IGSF22: variants seen among roughly 807,000 people sequenced by gnomAD.
The protein encoded by IGSF22 is immunoglobulin superfamily member 22.
In IGSF22, 119 loss-of-function variants were observed where a neutral mutation model predicts 127.0. The observed-to-expected ratio is 0.94, with a 90% CI of 0.81 to 1.09. The LOEUF (loss-of-function observed/expected upper bound fraction) is 1.09. IGSF22 is among the 50% of genes least tolerant of loss of function. The pLI, the probability that IGSF22 is intolerant of heterozygous loss-of-function variation, is 0.00. For synonymous variants in IGSF22, 568 were observed against 664.7 expected, an observed-to-expected ratio of 0.85 and a Z score of 2.24; for missense variants, 1,518 against 1,716.6, an observed-to-expected ratio of 0.88 and a Z score of 2.04.
Position 18,720,212 on chromosome 11 carries a change from T to C in IGSF22, c.452A>G (p.Tyr151Cys). 1.2e-6 allele frequency: 2 copies of C among 1,614,204 alleles called. No homozygotes were observed. The highest frequency in any genetic ancestry group is 1.7e-6 in the Non-Finnish European group (2 of 1,180,024). ...TTCTGTTACCAGCAGAGATACGGTA[T>C]AGATGGCATCTGCATGGTCATTGCT... ...IASNDHADAI[Y>C]TVSLLVTEGQ... is the part of the protein sequence containing the mutation. Residue 151 changes from tyrosine to cysteine, a missense_variant, in exon 5 of 23, where the codon TAT (tyrosine) becomes TGT (cysteine). By Grantham distance (194) the Tyr-to-Cys change is radical (BLOSUM62 -2). Coordinates refer to ENST00000513874, the MANE Select transcript of IGSF22 (RefSeq NM_173588.4).
At chr11:18,712,043 C>G (rs938233791) in intron 15 of IGSF22, 39 bp downstream of exon 15, 6 of 1,512,244 alleles carry the variant, frequency 4.0e-6, no homozygotes, top group African/African-American at 1.4e-5. Flanking sequence ...CCATGCTGAC[C>G]CCTGGGTTCC....
At chr11:18,706,755 G>A (rs932653294) in intron 21 of IGSF22, 159 bp downstream of exon 21, 8 of 621,000 alleles carry the variant, frequency 1.3e-5, no homozygotes, top group Non-Finnish European at 2.1e-5. Context: ...CCCGAAGAAA[G>A]CCAATATTTC....
chr11:18,713,332 T>C (rs1848392721), intron 14 of IGSF22, among the ~76,000 whole-genome samples: 1 of 152,076 alleles, frequency 6.6e-6, no homozygotes, highest in Non-Finnish European at 1.5e-5. Context: ...TTTGTATTTT[T>C]AGTAGAGACC....
Position 18,714,101 on chromosome 11 carries a change from C to T in IGSF22, c.1846G>A (p.Ala616Thr), listed in dbSNP as rs979753790. ...PSVLEALAAH[A>T]ITVKVGHTAH... ...GTGTGGCCTACCTTCACAGTGATGG[C>T]GTGCGCAGCCAGTGCCTCCAGTACT... Residue 616 changes from alanine to threonine, a missense_variant, in exon 14 of 23, where the codon GCC becomes ACC. By Grantham distance (58) the Ala-to-Thr change is moderately conservative. Around this residue, in one of 3 missense-constraint regions of IGSF22, gnomAD observed 1,456 missense variants for 1,644.9 expected, o/e 0.89. Transcript: ENST00000513874. 15 of 1,614,066 alleles carry T rather than the reference C, an allele frequency of 9.3e-6. 1 individual carries two copies. The highest frequency in any genetic ancestry group is 6.7e-5 in the East Asian group (3 of 44,894).
Position 18,707,857 on chromosome 11 carries a change from A to G in IGSF22, c.3227T>C (p.Leu1076Ser). 1 of 1,613,788 alleles carries G rather than the reference A, an allele frequency of 6.2e-7. No homozygotes were observed. ...KRSDSGVYRILLQNEFGEARY... is the reference protein window; with the variant it reads ...KRSDSGVYRISLQNEFGEARY... ...TGCTTCTCCAAACTCATTCTGAAGC[A>G]AGATTCGGTACACCCCTGAGTCAGA... is the stretch of plus-strand genomic sequence containing the variant. The change falls in exon 20 of 23, where the codon TTG (leucine) becomes TCG (serine). Residue 1076 changes from leucine to serine, a missense_variant. This residue lies in a region of IGSF22 where 1,456 missense variants were observed against 1,644.9 expected (regional missense o/e 0.89). Coordinates refer to ENST00000513874, the MANE Select transcript of IGSF22 (RefSeq NM_173588.4).
rs1316909147 is a variant in IGSF22 at position 18,716,198 on chromosome 11, A to T, written c.1247-482T>A. ...CCTTTTAGTTCTTGGTAAAGCTCGGACATCATTTCATTATATCATTTCTGA... is the reference window on the plus strand; with the variant it reads ...CCTTTTAGTTCTTGGTAAAGCTCGGTCATCATTTCATTATATCATTTCTGA... On this transcript the variant is annotated intron_variant, in intron 10 of 22. Coordinates refer to ENST00000513874, the MANE Select transcript of IGSF22 (RefSeq NM_173588.4). The surrounding 1 kb of genome is among the most constrained non-coding windows in gnomAD (Gnocchi z 4.5). 6.6e-6 allele frequency among the ~76,000 whole-genome samples: 1 copy of T among 152,130 alleles called. No homozygotes were observed. The highest frequency in any genetic ancestry group is 1.5e-5 in the Non-Finnish European group (1 of 68,038).
chr11:18,710,845 G>C lies in IGSF22; in HGVS notation c.2399-17C>G. ...CAGGAGGCTCTGTGGGGGAAAGAGA[G>C]AGTGCAAAGGTTAGGAGGGGGAGCA... is the stretch of plus-strand genomic sequence containing the variant. On this transcript the variant is annotated splice_polypyrimidine_tract_variant and intron_variant, in intron 15 of 22. Coordinates refer to ENST00000513874, the MANE Select transcript of IGSF22 (RefSeq NM_173588.4). The C allele has an allele frequency of 6.2e-7, 1 of 1,602,588 alleles. No individual in the cohort carries two copies. Among genetic ancestry groups the C allele is most frequent in the Non-Finnish European group, 8.5e-7 (1 of 1,170,102 alleles).
intron 17 of IGSF22, 102 bp downstream of exon 17, chr11:18,710,225 A>C (rs1328515969): frequency 6.8e-7 from 1 of 1,460,400 alleles, no homozygotes; most frequent in Admixed American, 1.7e-5. Context: ...GAGTGTAGAG[A>C]CTGTGATACC....
chr11:18,707,105 T>G lies in IGSF22; in HGVS notation c.3389A>C (p.Tyr1130Ser). ...PDVQEDGEAH[Y>S]IIMKRDASTA... ...GCTTGCATCCCGCTTCATGATGATGTAGTGAGCCTCACCGTCCTCCTGCAC... is the reference window on the plus strand; with the variant it reads ...GCTTGCATCCCGCTTCATGATGATGGAGTGAGCCTCACCGTCCTCCTGCAC... Residue 1130 changes from tyrosine (Y) to serine (S), a missense_variant, in exon 21 of 23, where the codon TAC becomes TCC. Physicochemically the swap from Tyr to Ser is moderately radical, Grantham distance 144 (BLOSUM62 -2). This residue lies in a region of IGSF22 where 1,456 missense variants were observed against 1,644.9 expected (regional missense o/e 0.89). Coordinates refer to ENST00000513874, the MANE Select transcript of IGSF22 (RefSeq NM_173588.4). The G allele has an allele frequency of 6.4e-7, 1 of 1,551,676 alleles. No homozygotes were observed.
chr11:18,705,840 C>T lies in IGSF22; in HGVS notation c.3887G>A (p.Ser1296Asn), dbSNP rs997439719. The change falls in exon 22 of 23, where the codon AGC becomes AAC. Residue 1296 changes from serine (S) to asparagine (N), a missense_variant. Transcript: ENST00000513874. The stretch of plus-strand genomic sequence containing the variant: ...ACCATAGACGGTGAGCGTGCAGCTG[C>T]TGCGGTCCTTGCCCAGCTCGTTCTC... ...LVENELGKDR[S>N]SCTLTVYDKD... The T allele has an allele frequency of 3.9e-6, 6 of 1,548,888 alleles. No homozygotes were observed. In the African/African-American group the frequency reaches 4.1e-5, roughly 11 times the overall value.
rs1240216107 is a variant in IGSF22 at position 18,718,053 on chromosome 11, T to C, written c.851A>G (p.Tyr284Cys). The C allele has an allele frequency of 6.2e-7, 1 of 1,614,208 alleles. No homozygotes were observed. Among genetic ancestry groups the C allele is most frequent in the African/African-American group, 1.3e-5 (1 of 75,052 alleles). Residue 284 changes from tyrosine (Y) to cysteine (C), a missense_variant, in exon 9 of 23, where the codon TAC becomes TGC. By Grantham distance (194) the Tyr-to-Cys change is radical. This residue lies in a region of IGSF22 where 1,456 missense variants were observed against 1,644.9 expected (regional missense o/e 0.89). Coordinates refer to ENST00000513874, the MANE Select transcript of IGSF22 (RefSeq NM_173588.4). ...CTTGGTGCCCATCTGCTTCACATCG[T>C]ACTTGCCCAGGGAGTACTGGATCCT... Reference protein sequence around the residue: ...PLRIQYSLGKYDVKQMGTKYM... With the variant: ...PLRIQYSLGKCDVKQMGTKYM...
rs184955459 is a variant in IGSF22, at chr11:18,722,055, C to A, written c.110-14G>T. On this transcript the variant is annotated splice_polypyrimidine_tract_variant and intron_variant, in intron 2 of 22. Transcript: ENST00000513874. ...TCACGACCTCCTCTGTGGGGGCAGG[C>A]GAGAGGTCAGAATGGGCTCCAGGTA... 339 of 1,613,338 alleles carry A rather than the reference C, an allele frequency of 2.1e-4. 1 individual carries two copies. In the African/African-American group the frequency reaches 3.9e-3, roughly 19 times the overall value.
In IGSF22 at chr11:18,709,699, C is replaced by G. The variant is rs1415202055; in HGVS notation, c.2702-16G>C. On this transcript the variant is annotated splice_polypyrimidine_tract_variant and intron_variant, in intron 17 of 22. Transcript: ENST00000513874. The surrounding 1 kb of genome is among the most constrained non-coding windows in gnomAD (Gnocchi z 4.8). Reference sequence around the variant, plus strand: ...CCTGGGGGTTCTGGGGTAGAACAGACATGTAGTCAGCCCCTCCAACTCATC... The same window carrying G: ...CCTGGGGGTTCTGGGGTAGAACAGAGATGTAGTCAGCCCCTCCAACTCATC... The G allele has an allele frequency of 6.2e-7, 1 of 1,607,480 alleles. No homozygotes were observed. The highest frequency in any genetic ancestry group is 1.1e-5 in the South Asian group (1 of 90,500).
Position 18,709,717 on chromosome 11 carries a change from A to G in IGSF22, c.2702-34T>C, listed in dbSNP as rs1330909802. 3 of 1,591,368 alleles carry G rather than the reference A, an allele frequency of 1.9e-6. No homozygotes were observed. The Admixed American group carries it at 5.2e-5, about 27-fold the overall frequency. On this transcript the variant is annotated intron_variant, in intron 17 of 22. Coordinates refer to ENST00000513874, the MANE Select transcript of IGSF22 (RefSeq NM_173588.4). The surrounding 1 kb of genome is among the most constrained non-coding windows in gnomAD (Gnocchi z 4.8). Reference sequence around the variant, plus strand: ...GAACAGACATGTAGTCAGCCCCTCCAACTCATCTCCACTCAATGCCTTGCT... The same window carrying G: ...GAACAGACATGTAGTCAGCCCCTCCGACTCATCTCCACTCAATGCCTTGCT...
At chr11:18,725,625 A>G (rs2896538) in intron 1 of IGSF22, among the ~76,000 whole-genome samples, 5,102 of 151,982 alleles carry the variant, frequency 0.034, 285 homozygotes, top group African/African-American at 0.12. Context: ...TATTTTTAGT[A>G]CAGATGGCGT....
intron 21 of IGSF22, 147 bp downstream of exon 21, chr11:18,706,767 T>C (rs1848244118): frequency 3.0e-6 from 2 of 657,212 alleles, no homozygotes; most frequent in Non-Finnish European, 4.9e-6. Flanking sequence ...CAATATTTCC[T>C]TCTCTCCGCA....
At chr11:18,706,663 A>G (rs1289860878) in intron 21 of IGSF22, 6 of 453,038 alleles carry the variant, frequency 1.3e-5, no homozygotes, top group African/African-American at 8.0e-5. Context: ...TTTGCGCTCT[A>G]TGTCCCTCCG....
chr11:18,718,304 A>C (rs1404598005), intron 8 of IGSF22, among the ~76,000 whole-genome samples: 1 of 152,142 alleles, frequency 6.6e-6, no homozygotes, highest in African/African-American at 2.4e-5. Flanking sequence ...CCGAGCTCTT[A>C]ATATGCATGA....
chr11:18,720,078 C>A lies in IGSF22; in HGVS notation c.504G>T (p.Lys168Asn). 6.2e-7 allele frequency: 1 copy of A among 1,614,152 alleles called. No homozygotes were observed. Among genetic ancestry groups the A allele is most frequent in the Non-Finnish European group, 8.5e-7 (1 of 1,180,028 alleles). The change falls in exon 6 of 23, where the codon AAG becomes AAT. Residue 168 changes from lysine (K) to asparagine (N), a missense_variant. Lys to Asn is a moderately conservative substitution (Grantham distance 94). Transcript: ENST00000513874. ...TEGQEKMDFK[K>N]MLKKRAPPAP... ...GCCAGCCTCACCTCTTCTTCAGCAT[C>A]TTTTTGAAGTCCATTTTCTCTTGAC...
Sources: allele counts gnomAD v4.1 joint callset (sites outside exome capture counted in the v4.1 genomes callset), GRCh38; gene constraint gnomAD v4.1.1; regional missense constraint gnomAD v4.1.1; non-coding constraint Gnocchi (gnomAD v3.1); transcripts MANE v1.5; gene names NCBI Gene and HGNC (gene_info 2026-07-23, HGNC 2026-07-21).